The following GOLM2 variants were observed in gnomAD, a reference collection of about 807,000 sequenced individuals.
GOLM2 encodes golgi membrane protein 2, also known as protein GOLM2.
In GOLM2, 26 loss-of-function variants were observed where a neutral mutation model predicts 55.9. That is an observed-to-expected ratio of 0.47 (90% confidence interval 0.34 to 0.65). GOLM2 has a LOEUF of 0.65. GOLM2 is among the 30% of genes least tolerant of loss of function. The probability of loss-of-function intolerance (pLI) is 0.01; values close to 1 mark genes in which losing one functional copy is unlikely to be tolerated. For synonymous variants in GOLM2, 165 were observed against 194.6 expected, an observed-to-expected ratio of 0.85 and a Z score of 1.27; for missense variants, 486 against 531.8, an observed-to-expected ratio of 0.91 and a Z score of 0.85.
In GOLM2 at chr15:44,388,055, G is replaced by GCCT. The variant is rs572193446; in HGVS notation, c.1072+7083_1072+7085dup. On this transcript the variant is annotated intron_variant, in intron 8 of 9. Transcript: ENST00000299957. ...GCAATCTCAGCTGACTAGAACCTCT[G>GCCT]CCTCCTGGGTTCAAGTGATTCTCCC... 7.8e-4 allele frequency among the ~76,000 whole-genome samples: 117 copies of GCCT among 150,718 alleles called. 1 individual carries two copies. The East Asian group carries it at 0.021, about 28-fold the overall frequency.
At chr15:44,361,286 A>G (rs956108926) in intron 6 of GOLM2, among the ~76,000 whole-genome samples, 2 of 151,730 alleles carry the variant, frequency 1.3e-5, no homozygotes, top group Non-Finnish European at 2.9e-5. Context: ...AAGATCAACA[A>G]GCTAGACCGC....
intron 6 of GOLM2, among the ~76,000 whole-genome samples, chr15:44,368,125 A>G (rs1260911572): frequency 6.6e-6 from 1 of 151,846 alleles, no homozygotes; most frequent in Non-Finnish European, 1.5e-5. Flanking sequence ...CAAGTTTCAT[A>G]CATTTTTAAA....
intron 3 of GOLM2, among the ~76,000 whole-genome samples, chr15:44,329,663 T>C (rs2079008526): frequency 6.6e-6 from 1 of 152,106 alleles, no homozygotes; most frequent in South Asian, 2.1e-4. Flanking sequence ...TTTGGGAGGC[T>C]GAGACTGGAG....
intron 9 of GOLM2, among the ~76,000 whole-genome samples, chr15:44,407,205 TTTATA>T: frequency 6.8e-6 from 1 of 146,772 alleles, no homozygotes; most frequent in Non-Finnish European, 1.5e-5. Context: ...TATATTTATA[TTTATA>T]TTATATATTT....
chr15:44,310,456 ATATATATATATATG>A (rs1375294237), intron 1 of GOLM2, among the ~76,000 whole-genome samples: 2 of 124,388 alleles, frequency 1.6e-5, no homozygotes, highest in African/African-American at 3.1e-5. Flanking sequence ...CTCTCTCTCT[ATATATATATATATG>A]TATATATATA....
At chr15:44,334,377 G>T (rs1214343188) in intron 4 of GOLM2, among the ~76,000 whole-genome samples, 1 of 152,104 alleles carries the variant, frequency 6.6e-6, no homozygotes, top group Non-Finnish European at 1.5e-5. Flanking sequence ...AGCATAAATT[G>T]TATTCAGGGA....
intron 4 of GOLM2, among the ~76,000 whole-genome samples, chr15:44,334,745 G>A (rs1374671334): frequency 2.6e-5 from 4 of 152,146 alleles, no homozygotes; most frequent in Admixed American, 2.0e-4. Context: ...TAAATGCAGT[G>A]TAGTAGCTGG....
At chr15:44,384,474 C>T (rs989661385) in intron 8 of GOLM2, among the ~76,000 whole-genome samples, 5 of 151,958 alleles carry the variant, frequency 3.3e-5, no homozygotes, top group Admixed American at 1.3e-4. Context: ...AGGCCGGGCA[C>T]GGTGACTCAA....
At chr15:44,327,985 T>A (rs1341303893) in intron 2 of GOLM2, among the ~76,000 whole-genome samples, 1 of 152,222 alleles carries the variant, frequency 6.6e-6, no homozygotes, top group East Asian at 1.9e-4. Context: ...TCGAATGTGA[T>A]TTAAAATGAG....
rs371045177 is a variant in GOLM2, at chr15:44,322,339, C to T, written c.328-626C>T. ...CTGAGATCGCACCACTGCACCGCAG[C>T]CTGGGCGACAGAGTGAGACTCAGTA... On this transcript the variant is annotated intron_variant, in intron 1 of 9. Coordinates refer to ENST00000299957, the MANE Select transcript of GOLM2 (RefSeq NM_138423.4). Among the ~76,000 whole-genome samples, 344 of 152,298 alleles carry T rather than the reference C, an allele frequency of 2.3e-3. 1 individual carries two copies. Among genetic ancestry groups the T allele is most frequent in the African/African-American group, 8.0e-3 (331 of 41,560 alleles).
At chr15:44,341,302 G>A (rs1483023731) in intron 6 of GOLM2, among the ~76,000 whole-genome samples, 5 of 151,820 alleles carry the variant, frequency 3.3e-5, no homozygotes, top group Non-Finnish European at 5.9e-5. Context: ...GGATGGTCTC[G>A]ATCTCCCAAC....
chr15:44,393,340 C>T (rs914090623), intron 8 of GOLM2, among the ~76,000 whole-genome samples: 3 of 152,026 alleles, frequency 2.0e-5, no homozygotes, highest in Admixed American at 2.0e-4. Flanking sequence ...ATATTGTTCA[C>T]AGAAATTAAT....
rs143787753 is a variant in GOLM2 at position 44,369,120 on chromosome 15, C to T, written c.803-10570C>T. Among the ~76,000 whole-genome samples the T allele has an allele frequency of 7.6e-3, 501 of 66,204 alleles. 29 individuals are homozygous for T. The highest frequency in any genetic ancestry group is 0.05 in the East Asian group (96 of 1,906). 43.4% of individuals were successfully genotyped at this position (66,204 alleles called of 152,430 possible). A position where few individuals can be genotyped will look rare whatever the true frequency, so the allele number is the denominator to read the frequency against. On this transcript the variant is annotated intron_variant, in intron 6 of 9. Transcript: ENST00000299957. ...ATATATATATATATATATATATACC[C>T]GGCTACCACACCCGGCCACCTCTGT...
intron 6 of GOLM2, among the ~76,000 whole-genome samples, chr15:44,366,296 CAAAAAAAAAA>C (rs34413737): frequency 1.8e-5 from 1 of 55,504 alleles, no homozygotes; most frequent in African/African-American, 6.8e-5. Context: ...GACTCCGTCT[CAAAAAAAAAA>C]AAAAAAAACA....
rs1034705047 is a variant in GOLM2, at chr15:44,406,115, A to G, written c.1240+3061A>G. 3.0e-4 allele frequency among the ~76,000 whole-genome samples: 45 copies of G among 152,124 alleles called. 1 individual carries two copies. Among genetic ancestry groups the G allele is most frequent in the Non-Finnish European group, 2.4e-4 (16 of 68,024 alleles). The stretch of plus-strand genomic sequence containing the variant: ...AGAACATAGAGTAGAAAAAAACATT[A>G]GTCAGCCAGGCGCAGTGGCTCACAC... On this transcript the variant is annotated intron_variant, in intron 9 of 9. Coordinates refer to ENST00000299957, the MANE Select transcript of GOLM2 (RefSeq NM_138423.4).
intron 9 of GOLM2, among the ~76,000 whole-genome samples, chr15:44,412,554 CTT>C (rs1043422274): frequency 3.3e-5 from 5 of 151,846 alleles, no homozygotes; most frequent in African/African-American, 9.7e-5. Flanking sequence ...TTATGAGTGA[CTT>C]TTATTTTTCT....
chr15:44,334,334 T>C (rs1217926653), intron 4 of GOLM2, among the ~76,000 whole-genome samples: 1 of 152,204 alleles, frequency 6.6e-6, no homozygotes, highest in Non-Finnish European at 1.5e-5. Flanking sequence ...TGAGTTTTCA[T>C]AGAGACAAAT....
chr15:44,401,266 AT>A (rs879743198), intron 8 of GOLM2, among the ~76,000 whole-genome samples: 610 of 144,430 alleles, frequency 4.2e-3, no homozygotes, highest in Admixed American at 3.9e-3. Context: ...CCCCTGGCTA[AT>A]TTTTTTTTTT....
At chr15:44,320,644 G>A (rs2078942462) in intron 1 of GOLM2, among the ~76,000 whole-genome samples, 1 of 152,036 alleles carries the variant, frequency 6.6e-6, no homozygotes, top group Admixed American at 6.6e-5. Flanking sequence ...AAGCACCCAG[G>A]ACTCGGGGGG....
Sources: gnomAD v4.1 joint callset for allele counts (sites outside exome capture counted in the v4.1 genomes callset) on GRCh38, gnomAD v4.1.1 for gene constraint, MANE v1.5 for transcripts, NCBI Gene and HGNC (gene_info 2026-07-23, HGNC 2026-07-21) for gene names.